Variants in CFAP161 observed in about 807,000 individuals in gnomAD.
The protein encoded by CFAP161 is cilia and flagella associated protein 161, also known as cilia- and flagella-associated protein 161.
CFAP161 carries 25 observed loss-of-function variants against 29.0 expected under a neutral mutation model. That is an observed-to-expected ratio of 0.86 (90% CI 0.63 to 1.20). The LOEUF (loss-of-function observed/expected upper bound fraction) is 1.20. CFAP161 is among the 50% of genes most tolerant of loss of function. The pLI is 0.00. For synonymous variants in CFAP161, 116 were observed against 137.4 expected (o/e 0.84, Z 1.09); for missense variants, 367 against 371.9 (o/e 0.99, Z 0.11).
chr15:81,134,322 A>T lies in CFAP161; in HGVS notation c.-8A>T, dbSNP rs745926395. 25 of 1,583,300 alleles carry T rather than the reference A, an allele frequency of 1.6e-5. No homozygotes were observed. The highest frequency in any genetic ancestry group is 1.3e-5 in the African/African-American group (1 of 74,734). The stretch of plus-strand genomic sequence containing the variant: ...GAGGGAGGCCCACTTGCTGAACAGC[A>T]GGGAGCGATGGCGCAGAACGTGTAT... On this transcript the variant is annotated 5_prime_UTR_variant, in exon 1 of 7. Coordinates refer to ENST00000286732, the MANE Select transcript of CFAP161 (RefSeq NM_173528.4).
chr15:81,126,164 C>T (rs535971809), intron 1 of CFAP161, among the ~76,000 whole-genome samples: 30 of 152,294 alleles, frequency 2.0e-4, no homozygotes, highest in South Asian at 1.0e-3. Context: ...CCACCATGCC[C>T]GGCCAACTCA....
In CFAP161 at chr15:81,108,341, T is replaced by C. The variant is rs925569901; in HGVS notation, c.-141-19249T>C. Among the ~76,000 whole-genome samples, 3 of 122,178 alleles carry C rather than the reference T, an allele frequency of 2.5e-5. 1 individual carries two copies. Among genetic ancestry groups the C allele is most frequent in the Non-Finnish European group, 4.6e-5 (3 of 65,112 alleles). 80.2% of individuals were successfully genotyped at this position (122,178 alleles called of 152,430 possible). A position where few individuals can be genotyped will look rare whatever the true frequency, so the allele number is the denominator to read the frequency against. On this transcript the variant is annotated intron_variant, in intron 1 of 4. Coordinates refer to the CFAP161 transcript ENST00000560091. Reference sequence around the variant, plus strand: ...TTTTCTGAAGCCATAAGGGCCAGCATTTTTTTTTTTTCCCAACCAGCAACA... The same window carrying C: ...TTTTCTGAAGCCATAAGGGCCAGCACTTTTTTTTTTTCCCAACCAGCAACA...
At chr15:81,121,101 T>C (rs1894566849) in intron 1 of CFAP161, among the ~76,000 whole-genome samples, 1 of 152,224 alleles carries the variant, frequency 6.6e-6, no homozygotes, top group Non-Finnish European at 1.5e-5. Context: ...CTTCTAATTA[T>C]AGCCAATTTG....
chr15:81,131,156 GAATC>G (rs1894706930), upstream of CFAP161, among the ~76,000 whole-genome samples: 3 of 103,256 alleles, frequency 2.9e-5, no homozygotes, highest in Non-Finnish European at 6.2e-5. Flanking sequence ...AAAAAAAAAA[GAATC>G]AATATCTGCA....
chr15:81,133,395 C>T (rs1339349103), upstream of CFAP161, among the ~76,000 whole-genome samples: 12 of 151,644 alleles, frequency 7.9e-5, 1 homozygote, highest in East Asian at 2.1e-3. Flanking sequence ...CACAGTCTTC[C>T]TTAAGTAATT....
Position 81,143,740 on chromosome 15 carries a change from G to A in CFAP161, c.556G>A (p.Glu186Lys), listed in dbSNP as rs373575630. ...GCTCCAGGAAGTGTACCTAACAGAT[G>A]AGGTCTCCCATGTGAACTGCTGGCA... ...SWLQEVYLTD[E>K]VSHVNCWQAA... Residue 186 changes from glutamate (E) to lysine (K), a missense_variant, in exon 5 of 7, where the codon GAG becomes AAG. Coordinates refer to ENST00000286732, the MANE Select transcript of CFAP161 (RefSeq NM_173528.4). 34 of 1,614,138 alleles carry A rather than the reference G, an allele frequency of 2.1e-5. No individual in the cohort carries two copies. Among genetic ancestry groups the A allele is most frequent in the Non-Finnish European group, 2.7e-5 (32 of 1,180,016 alleles).
At chr15:81,117,461 A>T (rs1019064978) in intron 1 of CFAP161, among the ~76,000 whole-genome samples, 1 of 151,994 alleles carries the variant, frequency 6.6e-6, no homozygotes, top group African/African-American at 2.4e-5. Context: ...AAGAGGGACT[A>T]AATGGAGGAA....
rs188910305 is a variant in CFAP161, at chr15:81,135,175, T to G, written c.70-95T>G. On this transcript the variant is annotated intron_variant, in intron 1 of 6. Transcript: ENST00000286732. Reference sequence around the variant, plus strand: ...TCACATCTCTTTTTTTGTACTCAAATTTTGCTTTTTCAACTTGGAAGAGCT... The same window carrying G: ...TCACATCTCTTTTTTTGTACTCAAAGTTTGCTTTTTCAACTTGGAAGAGCT... The G allele has an allele frequency of 9.4e-5, 66 of 704,488 alleles. No homozygotes were observed. In the African/African-American group the frequency reaches 1.1e-3, roughly 11 times the overall value. 43.6% of individuals were successfully genotyped at this position (704,488 alleles called of 1,614,324 possible). A position where few individuals can be genotyped will look rare whatever the true frequency, so the allele number is the denominator to read the frequency against.
chr15:81,135,141 C>A, intron 1 of CFAP161, 129 bp from the exon 2 acceptor site: 1 of 533,654 alleles, frequency 1.9e-6, no homozygotes, highest in African/African-American at 1.9e-5. Context: ...TCCATCATTC[C>A]AATTATGCTC....
At chr15:81,105,482 A>G (rs977645514) in intron 1 of CFAP161, among the ~76,000 whole-genome samples, 5 of 150,598 alleles carry the variant, frequency 3.3e-5, no homozygotes, top group African/African-American at 1.2e-4. Flanking sequence ...CAGTGGCCCA[A>G]TCACAGCTCA....
At chr15:81,145,967 A>G (rs1375045359) in intron 5 of CFAP161, among the ~76,000 whole-genome samples, 1 of 152,230 alleles carries the variant, frequency 6.6e-6, no homozygotes, top group Non-Finnish European at 1.5e-5. Flanking sequence ...GGAGGGCCAG[A>G]CTAGAGTGAG....
intron 1 of CFAP161, among the ~76,000 whole-genome samples, chr15:81,113,070 G>A (rs1053509925): frequency 1.3e-5 from 2 of 152,064 alleles, no homozygotes; most frequent in African/African-American, 2.4e-5. Context: ...GTAATAAAAG[G>A]AGAATTTAAA....
chr15:81,139,218 T>C (rs1205024267), intron 4 of CFAP161, among the ~76,000 whole-genome samples: 1 of 152,024 alleles, frequency 6.6e-6, no homozygotes, highest in African/African-American at 2.4e-5. Flanking sequence ...GGTGGGAGGA[T>C]TGCTTAAGCC....
chr15:81,104,927 G>T (rs921842431), intron 1 of CFAP161, among the ~76,000 whole-genome samples: 29 of 152,080 alleles, frequency 1.9e-4, no homozygotes, highest in African/African-American at 6.3e-4. Context: ...TTCTCCTATG[G>T]TTCTAGAGGC....
chr15:81,133,684 A>C, upstream of CFAP161, among the ~76,000 whole-genome samples: 1 of 142,366 alleles, frequency 7.0e-6, no homozygotes. Context: ...GACCCAGGGA[A>C]GGAGGGAGCA....
At chr15:81,129,541 C>G (rs1009083396), upstream of CFAP161, among the ~76,000 whole-genome samples, 3 of 152,122 alleles carry the variant, frequency 2.0e-5, no homozygotes, top group Non-Finnish European at 4.4e-5. Flanking sequence ...TGGGGAAAAC[C>G]ACCCCCATGA....
At chr15:81,138,960 T>C (rs1216472069) in intron 4 of CFAP161, among the ~76,000 whole-genome samples, 1 of 152,216 alleles carries the variant, frequency 6.6e-6, no homozygotes, top group African/African-American at 2.4e-5. Flanking sequence ...CCATTTACTA[T>C]ATGATGTAGC....
chr15:81,106,242 G>A (rs138752659), intron 1 of CFAP161, among the ~76,000 whole-genome samples: 8 of 152,336 alleles, frequency 5.3e-5, no homozygotes, highest in African/African-American at 1.4e-4. Flanking sequence ...TAGTTTGGGG[G>A]AGTCTCAAGG....
intron 4 of CFAP161, among the ~76,000 whole-genome samples, chr15:81,142,809 T>G (rs888604951): frequency 6.6e-6 from 1 of 152,034 alleles, no homozygotes; most frequent in Non-Finnish European, 1.5e-5. Flanking sequence ...GGACTAACAT[T>G]TTGGACTTTT....
Sources: allele counts gnomAD v4.1 joint callset (sites outside exome capture counted in the v4.1 genomes callset), GRCh38; gene constraint gnomAD v4.1.1; transcripts MANE v1.5; gene names NCBI Gene and HGNC (gene_info 2026-07-23, HGNC 2026-07-21).